Variants in AKAP13 observed in about 807,000 individuals in gnomAD.
AKAP13 encodes the protein A-kinase anchoring protein 13, also known as A-kinase anchor protein 13.
Under a neutral mutation model 264.5 loss-of-function variants are expected in AKAP13, and 80 were observed. That is an observed-to-expected ratio of 0.30 (90% CI 0.25 to 0.36). The LOEUF (loss-of-function observed/expected upper bound fraction) is 0.36, where lower values mean the gene tolerates loss of function less well. AKAP13 is among the 10% of genes least tolerant of loss of function. The probability of loss-of-function intolerance (pLI) is 1.00; values close to 1 mark genes in which losing one functional copy is unlikely to be tolerated. For missense variants in AKAP13, 3,712 were observed against 3,435.2 expected (o/e 1.08, Z -2.01); for synonymous variants, 1,380 against 1,250.2 (o/e 1.10, Z -2.19).
intron 2 of AKAP13, among the ~76,000 whole-genome samples, chr15:85,516,613 C>T (rs2151138083): frequency 6.6e-6 from 1 of 152,246 alleles, no homozygotes; most frequent in Admixed American, 6.5e-5. Flanking sequence ...AATGGGCCTG[C>T]CACGGCCTTC....
chr15:85,420,794 T>C (rs1207020097), intron 1 of AKAP13, among the ~76,000 whole-genome samples: 2 of 152,194 alleles, frequency 1.3e-5, no homozygotes, highest in Non-Finnish European at 2.9e-5. Flanking sequence ...GCTATTACTT[T>C]TTCATTGGAA....
At chr15:85,642,882 CT>C (rs1337223717) in intron 9 of AKAP13, among the ~76,000 whole-genome samples, 2 of 152,098 alleles carry the variant, frequency 1.3e-5, no homozygotes, top group African/African-American at 2.4e-5. Flanking sequence ...TGTGACAGCC[CT>C]TTCTTTTCTT....
At chr15:85,624,568 GA>G (rs1205675000) in intron 8 of AKAP13, 2 of 152,206 alleles carry the variant, frequency 1.3e-5, no homozygotes, top group Non-Finnish European at 2.9e-5. Flanking sequence ...CCAATTCCCT[GA>G]AAAGACTTTG....
chr15:85,578,237 C>G (rs1340374486), intron 6 of AKAP13, among the ~76,000 whole-genome samples: 1 of 152,224 alleles, frequency 6.6e-6, no homozygotes, highest in East Asian at 1.9e-4. Context: ...GAGCTGTGAT[C>G]ACACCACTGC....
intron 1 of AKAP13, among the ~76,000 whole-genome samples, chr15:85,419,935 G>GTTTTTTTTTTT (rs11452064): frequency 1.3e-5 from 1 of 77,970 alleles, no homozygotes. Context: ...TCTGACTCTT[G>GTTTTTTTTTTT]TTTTTTTTTT....
chr15:85,627,843 C>T (rs2081498608), intron 8 of AKAP13, among the ~76,000 whole-genome samples: 1 of 152,162 alleles, frequency 6.6e-6, no homozygotes, highest in African/African-American at 2.4e-5. Flanking sequence ...CTATGAAGTC[C>T]AGCTCTGGAG....
chr15:85,534,395 C>G (rs769961051), intron 4 of AKAP13: 5 of 156,376 alleles, frequency 3.2e-5, no homozygotes, highest in Admixed American at 1.3e-4. Context: ...TCTGTTGGCC[C>G]TCCCTATGAG....
intron 8 of AKAP13, among the ~76,000 whole-genome samples, chr15:85,603,277 G>T (rs1391916726): frequency 6.6e-6 from 1 of 152,202 alleles, no homozygotes; most frequent in African/African-American, 2.4e-5. Context: ...TTGTCACACA[G>T]AATTTTAAAA....
intron 7 of AKAP13, 124 bp from the exon 8 acceptor site, chr15:85,585,578 A>C: frequency 7.4e-7 from 1 of 1,352,058 alleles, no homozygotes. Context: ...ACAACAAAAG[A>C]ATACTTTTCC....
At chr15:85,386,532 A>C (rs972197928) in intron 1 of AKAP13, among the ~76,000 whole-genome samples, 1 of 149,958 alleles carries the variant, frequency 6.7e-6, no homozygotes, top group Admixed American at 6.6e-5. Flanking sequence ...CAAGTGAGCC[A>C]CCCACCGCAG....
chr15:85,610,879 T>G (rs1485525890), intron 8 of AKAP13, among the ~76,000 whole-genome samples: 1 of 152,204 alleles, frequency 6.6e-6, no homozygotes, highest in Non-Finnish European at 1.5e-5. Context: ...CTTGGGAGGC[T>G]GAGGCAGGAG....
chr15:85,624,310 A>G (rs368399335), intron 8 of AKAP13, among the ~76,000 whole-genome samples: 1 of 152,224 alleles, frequency 6.6e-6, no homozygotes, highest in African/African-American at 2.4e-5. Flanking sequence ...TTTTGTTTAC[A>G]TTGAATGAAA....
At chr15:85,489,953 T>G (rs1872074) in intron 2 of AKAP13, among the ~76,000 whole-genome samples, 77,746 of 152,114 alleles carry the variant, frequency 0.51, 20,417 homozygotes, top group Middle Eastern at 0.62. Context: ...TTGGTTTTCC[T>G]GTCTGTTAGC....
At chr15:85,413,664 A>G (rs1473391361) in intron 1 of AKAP13, among the ~76,000 whole-genome samples, 4 of 152,182 alleles carry the variant, frequency 2.6e-5, no homozygotes, top group Non-Finnish European at 2.9e-5. Flanking sequence ...GCACAGGAAC[A>G]TGTGTCATCA....
chr15:85,461,054 A>T (rs111763537), intron 1 of AKAP13, among the ~76,000 whole-genome samples: 67 of 152,168 alleles, frequency 4.4e-4, no homozygotes, highest in African/African-American at 1.2e-3. Flanking sequence ...CAAGTTATAT[A>T]GCTAATTTCT....
At chr15:85,678,086 T>C (rs2084354885) in intron 14 of AKAP13, among the ~76,000 whole-genome samples, 1 of 152,244 alleles carries the variant, frequency 6.6e-6, no homozygotes, top group Admixed American at 6.5e-5. Flanking sequence ...AAGGTATCAA[T>C]TTTAGTAAAC....
chr15:85,738,894 C>G (rs1310084702), intron 33 of AKAP13, among the ~76,000 whole-genome samples: 1 of 149,782 alleles, frequency 6.7e-6, no homozygotes, highest in African/African-American at 2.5e-5. Context: ...TTCCAGCCTT[C>G]TACATAACAT....
intron 8 of AKAP13, among the ~76,000 whole-genome samples, chr15:85,601,594 C>G (rs908556946): frequency 2.6e-5 from 3 of 117,322 alleles, no homozygotes; most frequent in Non-Finnish European, 3.9e-5. Flanking sequence ...CTCATCTTCT[C>G]TCACCTGAAT....
At chr15:85,602,423 G>T (rs367973928) in intron 8 of AKAP13, among the ~76,000 whole-genome samples, 3 of 151,754 alleles carry the variant, frequency 2.0e-5, no homozygotes, top group Non-Finnish European at 4.4e-5. Flanking sequence ...TGATCCTCCC[G>T]CCTCAGCCTC....
Sources: allele counts gnomAD v4.1 joint callset (sites outside exome capture counted in the v4.1 genomes callset), GRCh38; gene constraint gnomAD v4.1.1; transcripts MANE v1.5; gene names NCBI Gene and HGNC (gene_info 2026-07-23, HGNC 2026-07-21).